Variants in DMD observed in about 807,000 individuals in gnomAD.
DMD encodes the protein dystrophin.
DMD carries 63 observed loss-of-function variants against 330.1 expected under a neutral mutation model. The ratio of observed to expected loss-of-function variants is 0.19; its 90% CI spans 0.16 to 0.24. The LOEUF (loss-of-function observed/expected upper bound fraction) is 0.24. DMD is among the 10% of genes least tolerant of loss of function. DMD has a pLI of 1.00. For missense variants in DMD, 3,344 were observed against 2,684.1 expected (o/e 1.25, Z -5.43); for synonymous variants, 1,223 against 959.8 (o/e 1.27, Z -5.07).
intron 62 of DMD, among the ~76,000 whole-genome samples, chrX:31,305,586 G>T (rs1417009775): frequency 9.0e-6 from 1 of 111,640 alleles, no homozygotes; most frequent in Non-Finnish European, 1.9e-5. Context: ...ACTACTATCT[G>T]GTCTCCCTGC....
At chrX:31,849,878 A>C (rs1350694596) in intron 48 of DMD, among the ~76,000 whole-genome samples, 1 of 111,500 alleles carries the variant, frequency 9.0e-6, no homozygotes, top group Non-Finnish European at 1.9e-5. Flanking sequence ...TTTTGTAAAC[A>C]TTAAGTGTCC....
chrX:32,472,377 T>C, intron 21 of DMD, 68 bp from the exon 22 acceptor site: 1 of 1,084,820 alleles, frequency 9.2e-7, no homozygotes, highest in Non-Finnish European at 1.3e-6. Context: ...TTTTCCTAAA[T>C]TGTCAGCAAA....
intron 1 of DMD, among the ~76,000 whole-genome samples, chrX:33,096,077 C>T (rs1445978608): frequency 9.4e-6 from 1 of 106,302 alleles, no homozygotes; most frequent in Non-Finnish European, 1.9e-5. Context: ...TGGGCTCACG[C>T]CATTCTCCTG....
chrX:31,549,197 C>A (rs2147729962), intron 55 of DMD, among the ~76,000 whole-genome samples: 1 of 110,373 alleles, frequency 9.1e-6, no homozygotes, highest in South Asian at 3.8e-4. Context: ...ATATCTGCTC[C>A]TTTAAAAAAT....
chrX:32,513,588 G>C (rs1306566158), intron 18 of DMD, among the ~76,000 whole-genome samples: 1 of 111,807 alleles, frequency 8.9e-6, no homozygotes, highest in Non-Finnish European at 1.9e-5. Flanking sequence ...TTCACTTTCA[G>C]GTTTCTGGAT....
intron 62 of DMD, among the ~76,000 whole-genome samples, chrX:31,293,866 A>G (rs2053960803): frequency 9.0e-6 from 1 of 111,502 alleles, no homozygotes; most frequent in Non-Finnish European, 1.9e-5. Flanking sequence ...TAAAGAAAGG[A>G]CATAATAGGC....
At chrX:32,790,410 C>A (rs2075730858) in intron 7 of DMD, among the ~76,000 whole-genome samples, 1 of 111,452 alleles carries the variant, frequency 9.0e-6, no homozygotes, top group African/African-American at 3.3e-5. Context: ...GGCCCCCAAA[C>A]CAACACACAG....
At chrX:31,641,743 A>G (rs2079777483) in intron 54 of DMD, among the ~76,000 whole-genome samples, 1 of 111,622 alleles carries the variant, frequency 9.0e-6, no homozygotes, top group African/African-American at 3.3e-5. Context: ...CTTATAGTAC[A>G]GTTACATACA....
chrX:33,090,935 T>A (rs757920115), intron 1 of DMD, among the ~76,000 whole-genome samples: 4 of 111,101 alleles, frequency 3.6e-5, no homozygotes, highest in Non-Finnish European at 7.6e-5. Context: ...TACAAACATG[T>A]TAAGTAATTT....
At chrX:32,226,812 G>A (rs1271165695) in intron 43 of DMD, among the ~76,000 whole-genome samples, 2 of 111,000 alleles carry the variant, frequency 1.8e-5, no homozygotes, top group South Asian at 7.6e-4. Context: ...TATTAATACA[G>A]TTAGTAATCT....
chrX:32,109,227 C>G (rs1176842564), intron 44 of DMD, among the ~76,000 whole-genome samples: 1 of 111,024 alleles, frequency 9.0e-6, no homozygotes, highest in Admixed American at 9.6e-5. Context: ...TGAGAAGAAT[C>G]AACAGCTACA....
chrX:31,851,036 C>T (rs2093515584), intron 48 of DMD, among the ~76,000 whole-genome samples: 1 of 112,305 alleles, frequency 8.9e-6, no homozygotes, highest in South Asian at 3.7e-4. Context: ...GATTGTCAGT[C>T]AGACTCTGAC....
At chrX:32,024,752 G>C (rs1342910401) in intron 44 of DMD, among the ~76,000 whole-genome samples, 1 of 111,146 alleles carries the variant, frequency 9.0e-6, no homozygotes, top group Non-Finnish European at 1.9e-5. Flanking sequence ...TTTGACTAAC[G>C]TCTGGCTCAG....
At chrX:31,920,313 G>A (rs1367646059) in intron 47 of DMD, among the ~76,000 whole-genome samples, 1 of 111,933 alleles carries the variant, frequency 8.9e-6, no homozygotes, top group African/African-American at 3.2e-5. Context: ...GGCTTTGCAG[G>A]TGATATAATA....
chrX:31,745,088 CCAGGT>C (rs2087715120), intron 51 of DMD, among the ~76,000 whole-genome samples: 1 of 111,550 alleles, frequency 9.0e-6, no homozygotes, highest in East Asian at 2.8e-4. Context: ...TTATATGGGA[CCAGGT>C]TCAGGGAAGG....
chrX:32,893,973 AGTGT>A (rs1273519695), intron 2 of DMD, among the ~76,000 whole-genome samples: 2 of 110,783 alleles, frequency 1.8e-5, no homozygotes, highest in Non-Finnish European at 3.8e-5. Context: ...GTGCCATTCC[AGTGT>A]GTGCCTCTGG....
intron 29 of DMD, among the ~76,000 whole-genome samples, chrX:32,429,146 A>T: frequency 9.2e-6 from 1 of 108,460 alleles, no homozygotes; most frequent in South Asian, 4.0e-4. Context: ...TTATATATTA[A>T]ATGTATTGAG....
intron 7 of DMD, among the ~76,000 whole-genome samples, chrX:32,732,822 A>T (rs2067891137): frequency 9.0e-6 from 1 of 110,524 alleles, no homozygotes; most frequent in South Asian, 3.9e-4. Context: ...CAAAATGTAA[A>T]GACCATTGAG....
chrX:32,072,476 C>A (rs779052278), intron 44 of DMD, among the ~76,000 whole-genome samples: 15 of 110,981 alleles, frequency 1.4e-4, no homozygotes, highest in Non-Finnish European at 2.5e-4. Context: ...CCAGAGGGGC[C>A]CACAGTCATT....
Sources: gnomAD v4.1 joint callset for allele counts (sites outside exome capture counted in the v4.1 genomes callset) on GRCh38, gnomAD v4.1.1 for gene constraint, MANE v1.5 for transcripts, NCBI Gene and HGNC (gene_info 2026-07-23, HGNC 2026-07-21) for gene names.